Variants in ITSN2 observed in about 807,000 individuals in gnomAD.
ITSN2 encodes the protein intersectin-2.
A neutral mutation model predicts 243.7 loss-of-function variants in ITSN2; 156 were observed. The ratio of observed to expected loss-of-function variants is 0.64; its 90% CI spans 0.56 to 0.73. The LOEUF is 0.73. Among genes scored for constraint, ITSN2 ranks in the 30% least tolerant of loss-of-function variants. ITSN2 has a pLI of 0.00. For synonymous variants in ITSN2, 703 were observed against 699.9 expected (o/e 1.00, Z -0.07); for missense variants, 1,801 against 1,996.1 (o/e 0.90, Z 1.86).
At position 24,337,342 on chromosome 2, in the gene ITSN2, A is replaced by ATATATATATATG. The variant is rs1332470540; in HGVS notation, c.-33-9239_-33-9228dup. Among the ~76,000 whole-genome samples the ATATATATATATG allele has an allele frequency of 1.2e-4, 14 of 115,948 alleles. No homozygotes were observed. In the South Asian group the frequency reaches 1.3e-3, roughly 11 times the overall value. 76.1% of individuals were successfully genotyped at this position (115,948 alleles called of 152,430 possible). On this transcript the variant is annotated intron_variant, in intron 1 of 39. Coordinates refer to ENST00000355123, the MANE Select transcript of ITSN2 (RefSeq NM_006277.3). ...TATATATATATATATATATATATAT[A>ATATATATATATG]TATATATATATGTAATTTTTTTTTT...
intron 18 of ITSN2, among the ~76,000 whole-genome samples, chr2:24,274,234 C>A (rs977470611): frequency 4.6e-5 from 7 of 151,786 alleles, no homozygotes; most frequent in Non-Finnish European, 1.0e-4. Context: ...ACTTTCTCTA[C>A]TTCTATATTA....
chr2:24,246,191 A>C lies in ITSN2; in HGVS notation c.3515T>G (p.Val1172Gly). 6.2e-7 allele frequency: 1 copy of C among 1,613,494 alleles called. No individual in the cohort carries two copies. Among genetic ancestry groups the C allele is most frequent in the Non-Finnish European group, 8.5e-7 (1 of 1,179,546 alleles). The change falls in exon 29 of 40, where the codon GTG (valine) becomes GGG (glycine). Residue 1172 changes from valine (V) to glycine (G), a missense_variant. By Grantham distance (109) the Val-to-Gly change is moderately radical. This residue lies in a region of ITSN2 where 928 missense variants were observed against 1,065.4 expected (regional missense o/e 0.87). Coordinates refer to ENST00000355123, the MANE Select transcript of ITSN2 (RefSeq NM_006277.3). ...GTAGTTTGAAGGAAAGAGACCAGTCACCCCGTTGATCTCTCCTTGCCACCA... is the reference window on the plus strand; with the variant it reads ...GTAGTTTGAAGGAAAGAGACCAGTCCCCCCGTTGATCTCTCCTTGCCACCA... ...PDWWQGEING[V>G]TGLFPSNYVK...
chr2:24,243,692 C>T (rs1458313285), intron 29 of ITSN2, among the ~76,000 whole-genome samples: 2 of 152,064 alleles, frequency 1.3e-5, no homozygotes, highest in Non-Finnish European at 2.9e-5. Flanking sequence ...GTCTTCCTGC[C>T]TCGGCCTCCC....
At position 24,288,825 on chromosome 2, in the gene ITSN2, C is replaced by CT. The variant is rs138066362; in HGVS notation, c.1724-2475dup. On this transcript the variant is annotated intron_variant, in intron 15 of 39. Transcript: ENST00000355123. ...CTTTGAGCAAACTCTCAGTGATCCCCTTTTCTCTCACCAGCCCTGGTAGCC... is the reference window on the plus strand; with the variant it reads ...CTTTGAGCAAACTCTCAGTGATCCCCTTTTTCTCTCACCAGCCCTGGTAGCC... Among the ~76,000 whole-genome samples the CT allele has an allele frequency of 7.3e-3, 1,110 of 152,262 alleles. 9 individuals are homozygous for CT. The highest frequency in any genetic ancestry group is 0.026 in the African/African-American group (1,069 of 41,554).
At chr2:24,210,984 C>T (rs769500719) in intron 33 of ITSN2, 37 bp from the exon 34 acceptor site, 9 of 1,602,898 alleles carry the variant, frequency 5.6e-6, no homozygotes, top group Admixed American at 5.0e-5. Flanking sequence ...GGGGGAGCTG[C>T]GTCTCTCACC....
In ITSN2 at chr2:24,203,730, T is replaced by G. The variant is rs201407243; in HGVS notation, c.4990A>C (p.Ser1664Arg). Residue 1664 changes from serine to arginine, a missense_variant, in exon 40 of 40, where the codon AGC (serine) becomes CGC (arginine). Transcript: ENST00000355123. The stretch of plus-strand genomic sequence containing the variant: ...AGTCGGCGGGTCATAGGGCCTTTGC[T>G]TTCCTGTTCTGTTCGAATTTTTGCC... ...PVAKIRTEQE[S>R]KGPMTRRLLL... is the part of the protein sequence containing the mutation. The G allele has an allele frequency of 1.9e-6, 3 of 1,614,228 alleles. No individual in the cohort carries two copies. In the East Asian group the frequency reaches 6.7e-5, roughly 36 times the overall value.
chr2:24,209,536 C>A (rs887505162), intron 35 of ITSN2, among the ~76,000 whole-genome samples: 2 of 152,232 alleles, frequency 1.3e-5, no homozygotes, highest in Non-Finnish European at 2.9e-5. Context: ...GCTCGGCTTA[C>A]AGAGACCCAA....
intron 1 of ITSN2, among the ~76,000 whole-genome samples, chr2:24,337,211 G>A (rs1355520008): frequency 6.8e-6 from 1 of 147,336 alleles, no homozygotes; most frequent in African/African-American, 2.5e-5. Context: ...TAAATTTGAC[G>A]AATGGTCTGA....
chr2:24,293,891 CAT>C (rs1410912227), intron 14 of ITSN2, 116 bp from the exon 15 acceptor site: 2 of 427,694 alleles, frequency 4.7e-6, no homozygotes, highest in Non-Finnish European at 4.2e-6. Context: ...AGAAATAATA[CAT>C]AGTTGTAAAC....
intron 20 of ITSN2, among the ~76,000 whole-genome samples, chr2:24,265,971 G>A (rs1002215453): frequency 6.6e-6 from 1 of 152,088 alleles, no homozygotes; most frequent in Non-Finnish European, 1.5e-5. Flanking sequence ...TGTGTGCTTT[G>A]TCATCTACAA....
At chr2:24,330,803 A>G (rs1430799183) in intron 1 of ITSN2, 5 of 401,596 alleles carry the variant, frequency 1.2e-5, no homozygotes, top group African/African-American at 1.1e-4. Context: ...TTCTCGCTCT[A>G]TCGCCCAGGC....
intron 17 of ITSN2, among the ~76,000 whole-genome samples, chr2:24,278,237 T>C (rs1228720996): frequency 6.6e-6 from 1 of 152,182 alleles, no homozygotes; most frequent in Non-Finnish European, 1.5e-5. Flanking sequence ...CCCTGCAGTG[T>C]CAGAGTTAAT....
chr2:24,206,189 CT>C, intron 37 of ITSN2: 1 of 373,314 alleles, frequency 2.7e-6, no homozygotes, highest in South Asian at 2.1e-5. Flanking sequence ...CAACAGCAAG[CT>C]TTTAAAGTAC....
At chr2:24,215,283 G>A (rs764938052) in intron 32 of ITSN2, among the ~76,000 whole-genome samples, 3 of 152,144 alleles carry the variant, frequency 2.0e-5, no homozygotes, top group Non-Finnish European at 4.4e-5. Context: ...TCCTGGTATC[G>A]TCTTTGTTTC....
At chr2:24,239,952 C>G (rs1399034760) in intron 29 of ITSN2, 1 of 151,986 alleles carries the variant, frequency 6.6e-6, no homozygotes, top group Non-Finnish European at 1.5e-5. Context: ...TCCATAGGTA[C>G]CTGATGAACA....
intron 20 of ITSN2, among the ~76,000 whole-genome samples, chr2:24,270,402 A>C (rs1310379636): frequency 6.6e-6 from 1 of 152,048 alleles, no homozygotes; most frequent in East Asian, 1.9e-4. Flanking sequence ...ATTTGGAAAT[A>C]AAAAAACACA....
chr2:24,227,288 T>A (rs1558451424), intron 29 of ITSN2, among the ~76,000 whole-genome samples: 42 of 114,744 alleles, frequency 3.7e-4, no homozygotes, highest in Non-Finnish European at 5.1e-4. Flanking sequence ...GAGCTCAAAG[T>A]AAAAAAAAAA....
intron 20 of ITSN2, among the ~76,000 whole-genome samples, chr2:24,265,459 C>A (rs1170660159): frequency 6.6e-6 from 1 of 152,154 alleles, no homozygotes. Context: ...TGCAACCTTG[C>A]TAAACTCATT....
intron 1 of ITSN2, among the ~76,000 whole-genome samples, chr2:24,351,286 G>A (rs1012905412): frequency 2.0e-5 from 3 of 152,090 alleles, no homozygotes; most frequent in African/African-American, 2.4e-5. Context: ...CGCCTGCCCC[G>A]CTTCTATTAG....
Sources: gnomAD v4.1 joint callset for allele counts (sites outside exome capture counted in the v4.1 genomes callset) on GRCh38, gnomAD v4.1.1 for gene constraint, gnomAD v4.1.1 regional missense constraint, MANE v1.5 for transcripts, NCBI Gene and HGNC (gene_info 2026-07-23, HGNC 2026-07-21) for gene names.